ANO3: variants seen among roughly 807,000 people sequenced by gnomAD.
ANO3 encodes the protein anoctamin-3.
Under a neutral mutation model 144.8 loss-of-function variants are expected in ANO3, and 99 were observed. The observed-to-expected ratio is 0.68, with a 90% confidence interval of 0.58 to 0.81. The LOEUF (loss-of-function observed/expected upper bound fraction) is 0.81, where lower values mean the gene tolerates loss of function less well. Among genes scored for constraint, ANO3 ranks in the 30% least tolerant of loss-of-function variants. ANO3 has a pLI of 0.00. For missense variants in ANO3, 905 were observed against 1,202.2 expected, an observed-to-expected ratio of 0.75 and a Z score of 3.66; for synonymous variants, 414 against 392.6, an observed-to-expected ratio of 1.05 and a Z score of -0.64.
At chr11:26,647,609 G>A in intron 23 of ANO3, 100 bp from the exon 24 acceptor site, 2 of 1,117,524 alleles carry the variant, frequency 1.8e-6, no homozygotes, top group Non-Finnish European at 2.6e-6. Context: ...ACAGAGCTGT[G>A]GTTCCAACAT....
chr11:26,358,172 T>TTA (rs200754859), intron 1 of ANO3, among the ~76,000 whole-genome samples: 14,162 of 135,154 alleles, frequency 0.1, 924 homozygotes, highest in East Asian at 0.23. Flanking sequence ...AATTTCAACT[T>TTA]TTTTTTTTTT....
At chr11:26,272,816 C>A (rs1853471822) in intron 1 of ANO3, among the ~76,000 whole-genome samples, 1 of 152,016 alleles carries the variant, frequency 6.6e-6, no homozygotes, top group African/African-American at 2.4e-5. Context: ...TAAACAAATA[C>A]CAGGTTATAA....
At chr11:26,594,123 G>A (rs1851536213) in intron 14 of ANO3, among the ~76,000 whole-genome samples, 1 of 152,112 alleles carries the variant, frequency 6.6e-6, no homozygotes, top group Non-Finnish European at 1.5e-5. Flanking sequence ...TCCTTTCCCT[G>A]TGTTATAGTG....
At chr11:26,459,615 T>C (rs2134052276) in intron 3 of ANO3, among the ~76,000 whole-genome samples, 1 of 151,728 alleles carries the variant, frequency 6.6e-6, no homozygotes, top group South Asian at 2.1e-4. Context: ...CATACATATA[T>C]ATATATATAG....
At chr11:26,560,903 G>A in intron 14 of ANO3, 1 of 638,056 alleles carries the variant, frequency 1.6e-6, no homozygotes, top group Non-Finnish European at 2.5e-6. Flanking sequence ...ACCTTTGGAT[G>A]ATACATCCTG....
At chr11:26,635,819 G>T (rs61878642) in intron 20 of ANO3, among the ~76,000 whole-genome samples, 1 of 152,078 alleles carries the variant, frequency 6.6e-6, no homozygotes, top group East Asian at 1.9e-4. Flanking sequence ...TTGGAGACTG[G>T]CAGTCTATAT....
chr11:26,515,414 T>G (rs1025497124), intron 5 of ANO3, among the ~76,000 whole-genome samples: 5 of 131,576 alleles, frequency 3.8e-5, no homozygotes, highest in Non-Finnish European at 8.4e-5. Context: ...ACTTTAATCA[T>G]GGAATGAGCC....
intron 1 of ANO3, among the ~76,000 whole-genome samples, chr11:26,358,496 G>C (rs1236163640): frequency 6.6e-6 from 1 of 152,044 alleles, no homozygotes; most frequent in Non-Finnish European, 1.5e-5. Context: ...AAATCCTGTT[G>C]GGATTTTTAT....
chr11:26,433,433 G>T (rs1217043383), intron 1 of ANO3, among the ~76,000 whole-genome samples: 2 of 152,064 alleles, frequency 1.3e-5, no homozygotes, highest in African/African-American at 4.8e-5. Context: ...ATACTATGTT[G>T]AGTAGGAGTG....
intron 1 of ANO3, among the ~76,000 whole-genome samples, chr11:26,215,706 A>G (rs1248144710): frequency 7.4e-6 from 1 of 134,850 alleles, no homozygotes; most frequent in Non-Finnish European, 1.7e-5. Context: ...AATAACCTGT[A>G]TATATACTTT....
At chr11:26,277,228 G>T (rs1175559231) in intron 1 of ANO3, among the ~76,000 whole-genome samples, 1 of 152,006 alleles carries the variant, frequency 6.6e-6, no homozygotes, top group East Asian at 1.9e-4. Flanking sequence ...ATAAGCAGTT[G>T]TAAGTAATGC....
At chr11:26,288,115 G>C (rs1483015725) in intron 1 of ANO3, 1 of 152,850 alleles carries the variant, frequency 6.5e-6, no homozygotes, top group Non-Finnish European at 1.5e-5. Context: ...TCCTTCCTCT[G>C]GAAAATCAGA....
At chr11:26,365,525 T>A (rs369560385) in intron 1 of ANO3, among the ~76,000 whole-genome samples, 22 of 152,342 alleles carry the variant, frequency 1.4e-4, no homozygotes, top group East Asian at 7.7e-4. Context: ...TCCTTTCTCA[T>A]AAATCTTCTA....
chr11:26,475,965 C>G (rs1467868855), intron 4 of ANO3, among the ~76,000 whole-genome samples: 1 of 152,012 alleles, frequency 6.6e-6, no homozygotes, highest in East Asian at 1.9e-4. Context: ...AAATAGATAA[C>G]TGGACTCCTC....
intron 4 of ANO3, among the ~76,000 whole-genome samples, chr11:26,487,443 A>G (rs1860498342): frequency 6.6e-6 from 1 of 152,158 alleles, no homozygotes; most frequent in Admixed American, 6.5e-5. Context: ...CAGTTCGAAA[A>G]TGTACAAATA....
intron 1 of ANO3, among the ~76,000 whole-genome samples, chr11:26,425,643 T>C (rs1565017461): frequency 6.6e-6 from 1 of 152,146 alleles, no homozygotes. Flanking sequence ...AACAAAAGTT[T>C]CATTAATTGA....
chr11:26,308,334 C>T (rs1590249594), upstream of ANO3, among the ~76,000 whole-genome samples: 1 of 152,124 alleles, frequency 6.6e-6, no homozygotes, highest in African/African-American at 2.4e-5. Context: ...CTCAAGGTTC[C>T]TTTCAGTTTA....
intron 1 of ANO3, among the ~76,000 whole-genome samples, chr11:26,241,820 G>T (rs981875701): frequency 6.6e-6 from 1 of 152,156 alleles, no homozygotes; most frequent in Non-Finnish European, 1.5e-5. Context: ...TATTCAGAAA[G>T]CAAGTAATGA....
chr11:26,474,196 G>T (rs900248748), intron 4 of ANO3: 1 of 684,256 alleles, frequency 1.5e-6, no homozygotes, highest in Non-Finnish European at 1.8e-6. Context: ...CATATGTAGA[G>T]AAGCCAATTG....
Sources: gnomAD v4.1 joint callset for allele counts (sites outside exome capture counted in the v4.1 genomes callset) on GRCh38, gnomAD v4.1.1 for gene constraint, MANE v1.5 for transcripts, NCBI Gene and HGNC (gene_info 2026-07-23, HGNC 2026-07-21) for gene names.